CA10: variants seen among roughly 807,000 people sequenced by gnomAD.
The protein encoded by CA10 is carbonic anhydrase-related protein 10.
CA10 carries 14 observed loss-of-function variants against 44.2 expected under a neutral mutation model. The observed-to-expected ratio is 0.32, with a 90% CI of 0.21 to 0.50. The LOEUF (loss-of-function observed/expected upper bound fraction) is 0.50. Ranked by LOEUF, CA10 falls within the 20% of genes least tolerant of loss-of-function variation. CA10 has a pLI of 0.99. For missense variants in CA10, 350 were observed against 409.7 expected, an observed-to-expected ratio of 0.85 and a Z score of 1.26; for synonymous variants, 159 against 141.6, an observed-to-expected ratio of 1.12 and a Z score of -0.87.
intron 2 of CA10, among the ~76,000 whole-genome samples, chr17:51,989,876 A>G (rs1048895579): frequency 1.3e-5 from 2 of 152,064 alleles, no homozygotes; most frequent in Non-Finnish European, 1.5e-5. Flanking sequence ...TTCCTCCAAA[A>G]AGCAATTATT....
chr17:51,682,815 G>C (rs1914888603), intron 4 of CA10, among the ~76,000 whole-genome samples: 1 of 152,234 alleles, frequency 6.6e-6, no homozygotes, highest in Admixed American at 6.5e-5. Flanking sequence ...AGGGAAACCT[G>C]ACGTTGATGA....
intron 3 of CA10, among the ~76,000 whole-genome samples, chr17:51,886,603 T>C (rs141267394): frequency 6.6e-6 from 1 of 152,210 alleles, no homozygotes; most frequent in Non-Finnish European, 1.5e-5. Context: ...TGGTTAATTT[T>C]ATGTGTCAAC....
At chr17:52,043,305 C>T (rs531821751) in intron 2 of CA10, among the ~76,000 whole-genome samples, 1 of 152,080 alleles carries the variant, frequency 6.6e-6, no homozygotes, top group Non-Finnish European at 1.5e-5. Context: ...TAAATTTATT[C>T]CTAAGTATTT....
intron 4 of CA10, among the ~76,000 whole-genome samples, chr17:51,686,451 A>G (rs1420098949): frequency 1.3e-5 from 2 of 152,112 alleles, no homozygotes; most frequent in Non-Finnish European, 2.9e-5. Flanking sequence ...CTATACCCTG[A>G]AGATACTCAA....
intron 1 of CA10, among the ~76,000 whole-genome samples, chr17:52,099,419 A>G (rs1312848711): frequency 6.6e-6 from 1 of 152,186 alleles, no homozygotes; most frequent in Non-Finnish European, 1.5e-5. Flanking sequence ...TTTTAGAGGT[A>G]GACTCTGTAA....
At chr17:52,159,080 A>G (rs1157510572), upstream of CA10, among the ~76,000 whole-genome samples, 1 of 152,232 alleles carries the variant, frequency 6.6e-6, no homozygotes, top group Non-Finnish European at 1.5e-5. Context: ...CTTCTTAAAA[A>G]GAACTTCGTG....
At chr17:51,845,737 A>G (rs1228459433) in intron 3 of CA10, among the ~76,000 whole-genome samples, 1 of 152,208 alleles carries the variant, frequency 6.6e-6, no homozygotes, top group African/African-American at 2.4e-5. Context: ...GACAGGATAA[A>G]AAGTGGGCTT....
intron 3 of CA10, among the ~76,000 whole-genome samples, chr17:51,815,518 G>C (rs928073193): frequency 1.3e-5 from 2 of 152,104 alleles, no homozygotes; most frequent in Admixed American, 1.3e-4. Context: ...ACCATGGATT[G>C]GTAGAGTCCT....
chr17:51,876,532 T>C (rs1267296189), intron 3 of CA10, among the ~76,000 whole-genome samples: 1 of 152,064 alleles, frequency 6.6e-6, no homozygotes, highest in East Asian at 1.9e-4. Context: ...TAAAGTGGAA[T>C]AACCCTTTGT....
In CA10 at chr17:51,978,654, G is replaced by A. The variant is rs138547615; in HGVS notation, c.137-47522C>T. 1.4e-3 allele frequency among the ~76,000 whole-genome samples: 209 copies of A among 151,854 alleles called. 1 individual carries two copies. Among genetic ancestry groups the A allele is most frequent in the African/African-American group, 4.9e-3 (203 of 41,454 alleles). On this transcript the variant is annotated intron_variant, in intron 2 of 8. Transcript: ENST00000451037. Reference sequence around the variant, plus strand: ...TAATATCTGAGGCAGAACACAATAGGCATTAACCATTAATTGAAAAATGAA... The same window carrying A: ...TAATATCTGAGGCAGAACACAATAGACATTAACCATTAATTGAAAAATGAA...
chr17:52,081,064 A>G (rs745852074), intron 1 of CA10, among the ~76,000 whole-genome samples: 46 of 152,316 alleles, frequency 3.0e-4, no homozygotes, highest in Middle Eastern at 6.8e-3. Flanking sequence ...CAAAACCCAC[A>G]ATCACTTTTG....
chr17:51,796,780 C>T (rs1474217048), intron 3 of CA10, among the ~76,000 whole-genome samples: 1 of 152,124 alleles, frequency 6.6e-6, no homozygotes, highest in Admixed American at 6.5e-5. Flanking sequence ...ATTGCTAAGC[C>T]CGCTTGCATC....
At chr17:51,832,764 T>C (rs1908329088) in intron 3 of CA10, among the ~76,000 whole-genome samples, 1 of 152,160 alleles carries the variant, frequency 6.6e-6, no homozygotes, top group South Asian at 2.1e-4. Flanking sequence ...TCTCCAGAGA[T>C]TGAAGATAAG....
intron 3 of CA10, among the ~76,000 whole-genome samples, chr17:51,882,725 G>A (rs758630564): frequency 2.0e-5 from 3 of 152,138 alleles, no homozygotes; most frequent in Non-Finnish European, 2.9e-5. Flanking sequence ...ACAACTTCAC[G>A]GGTCTCTGCC....
chr17:52,020,250 C>A (rs909141051), intron 2 of CA10, among the ~76,000 whole-genome samples: 5 of 151,878 alleles, frequency 3.3e-5, no homozygotes, highest in Non-Finnish European at 7.4e-5. Flanking sequence ...ATTTCCTGAA[C>A]AATGCAAGCT....
At chr17:51,642,478 G>A (rs1302222664) in intron 6 of CA10, among the ~76,000 whole-genome samples, 2 of 152,104 alleles carry the variant, frequency 1.3e-5, no homozygotes, top group Admixed American at 1.3e-4. Context: ...GGGGGTTGGG[G>A]GAAGTAAAGC....
At chr17:51,827,272 G>T (rs765961372) in intron 3 of CA10, among the ~76,000 whole-genome samples, 4 of 151,784 alleles carry the variant, frequency 2.6e-5, no homozygotes, top group Non-Finnish European at 4.4e-5. Context: ...CAATCTGCAG[G>T]ACTTCTCAGA....
At chr17:52,026,738 C>A (rs763027793) in intron 2 of CA10, among the ~76,000 whole-genome samples, 6 of 152,078 alleles carry the variant, frequency 3.9e-5, no homozygotes, top group Admixed American at 1.3e-4. Context: ...ATTATGAGAA[C>A]AGCAGCATGG....
chr17:51,751,368 T>G (rs1004537585), intron 3 of CA10, among the ~76,000 whole-genome samples: 1 of 152,236 alleles, frequency 6.6e-6, no homozygotes, highest in African/African-American at 2.4e-5. Context: ...TACAACAATA[T>G]GAATGTACTT....
Sources: allele counts gnomAD v4.1 joint callset (sites outside exome capture counted in the v4.1 genomes callset), GRCh38; gene constraint gnomAD v4.1.1; transcripts MANE v1.5; gene names NCBI Gene and HGNC (gene_info 2026-07-23, HGNC 2026-07-21).